SEMA6D: variants seen among roughly 807,000 people sequenced by gnomAD.
SEMA6D encodes semaphorin 6D.
Under a neutral mutation model 106.6 loss-of-function variants are expected in SEMA6D, and 35 were observed. The ratio of observed to expected loss-of-function variants is 0.33; its 90% CI spans 0.25 to 0.44. The LOEUF is 0.44. SEMA6D is among the 20% of genes least tolerant of loss of function. The pLI, the probability that SEMA6D is intolerant of heterozygous loss-of-function variation, is 1.00. For missense variants in SEMA6D, 1,185 were observed against 1,345.9 expected, an observed-to-expected ratio of 0.88 and a Z score of 1.87; for synonymous variants, 499 against 487.7, an observed-to-expected ratio of 1.02 and a Z score of -0.31.
intron 3 of SEMA6D, among the ~76,000 whole-genome samples, chr15:47,544,446 G>A (rs1003741059): frequency 1.3e-5 from 2 of 151,964 alleles, no homozygotes; most frequent in African/African-American, 2.4e-5. Flanking sequence ...GCACTGTGCT[G>A]GAAATTTAGG....
At chr15:47,250,297 C>G (rs1162346813) in intron 1 of SEMA6D, among the ~76,000 whole-genome samples, 1 of 151,252 alleles carries the variant, frequency 6.6e-6, no homozygotes, top group Non-Finnish European at 1.5e-5. Context: ...AGCAACCTAA[C>G]TCTCTGGGAT....
At chr15:47,359,872 A>G (rs1811226480) in intron 1 of SEMA6D, 1 of 152,154 alleles carries the variant, frequency 6.6e-6, no homozygotes, top group Non-Finnish European at 1.5e-5. Flanking sequence ...GAAGGTGGGA[A>G]AAACTTTAAA....
intron 2 of SEMA6D, among the ~76,000 whole-genome samples, chr15:47,413,062 A>G (rs1478412560): frequency 6.6e-6 from 1 of 152,142 alleles, no homozygotes; most frequent in Non-Finnish European, 1.5e-5. Context: ...TGACAGACGG[A>G]TGGCAAATTG....
intron 4 of SEMA6D, among the ~76,000 whole-genome samples, chr15:47,616,580 G>GAAAAA (rs55761524): frequency 7.0e-6 from 1 of 142,510 alleles, no homozygotes; most frequent in Non-Finnish European, 1.5e-5. Context: ...CTCCAAAGAG[G>GAAAAA]AAAAAAAAAA....
At chr15:47,284,085 G>A (rs2035250787) in intron 1 of SEMA6D, among the ~76,000 whole-genome samples, 1 of 152,138 alleles carries the variant, frequency 6.6e-6, no homozygotes, top group Non-Finnish European at 1.5e-5. Flanking sequence ...GCCACCAAAA[G>A]TGTCTCCCTT....
intron 1 of SEMA6D, among the ~76,000 whole-genome samples, chr15:47,245,128 T>C (rs565005368): frequency 6.6e-6 from 1 of 152,208 alleles, no homozygotes; most frequent in Admixed American, 6.5e-5. Context: ...TGATTCCATG[T>C]TTTTGTGAAT....
At chr15:47,685,517 G>A (rs1266564280) in intron 4 of SEMA6D, among the ~76,000 whole-genome samples, 1 of 152,186 alleles carries the variant, frequency 6.6e-6, no homozygotes, top group African/African-American at 2.4e-5. Flanking sequence ...GGGAATTTGT[G>A]CACTGGGTCC....
rs948659989 is a variant in SEMA6D, at chr15:47,574,858, A to C, written c.-86-26007A>C. 7.2e-5 allele frequency among the ~76,000 whole-genome samples: 11 copies of C among 152,306 alleles called. No homozygotes were observed. The South Asian group carries it at 1.0e-3, about 14-fold the overall frequency. ...TTCCCCACATTATTAAGAATAATCAATACTCCTAAAGTAGTTTTTGTTTGG... is the reference window on the plus strand; with the variant it reads ...TTCCCCACATTATTAAGAATAATCACTACTCCTAAAGTAGTTTTTGTTTGG... On this transcript the variant is annotated intron_variant, in intron 3 of 19. Transcript: ENST00000558014.
At chr15:47,766,033 C>A in intron 14 of SEMA6D, 24 bp downstream of exon 14, 1 of 1,608,706 alleles carries the variant, frequency 6.2e-7, no homozygotes, top group Non-Finnish European at 8.5e-7. Flanking sequence ...TCTTTACTTA[C>A]CCTGGGTCTT....
intron 1 of SEMA6D, among the ~76,000 whole-genome samples, chr15:47,406,470 A>G (rs1332917256): frequency 2.6e-5 from 4 of 152,216 alleles, no homozygotes; most frequent in African/African-American, 7.2e-5. Flanking sequence ...GCTTATAAAA[A>G]CATACCAAAG....
chr15:47,498,709 G>A (rs1365705879), intron 3 of SEMA6D, among the ~76,000 whole-genome samples: 1 of 152,100 alleles, frequency 6.6e-6, no homozygotes, highest in South Asian at 2.1e-4. Context: ...GATTTACCTT[G>A]GAGGGGCGCT....
intron 2 of SEMA6D, among the ~76,000 whole-genome samples, chr15:47,418,464 C>T (rs1193668321): frequency 1.3e-5 from 2 of 152,106 alleles, no homozygotes; most frequent in Non-Finnish European, 2.9e-5. Context: ...GGCCCATTTT[C>T]TTGTTCATAG....
chr15:47,408,359 T>C (rs925734592), intron 1 of SEMA6D, among the ~76,000 whole-genome samples: 1 of 152,226 alleles, frequency 6.6e-6, no homozygotes, highest in African/African-American at 2.4e-5. Context: ...AAATATCTTA[T>C]GAAAACATAC....
intron 2 of SEMA6D, among the ~76,000 whole-genome samples, chr15:47,464,211 C>T (rs1217596655): frequency 6.6e-6 from 1 of 152,056 alleles, no homozygotes; most frequent in African/African-American, 2.4e-5. Context: ...AATCCCTCAT[C>T]AGTAAGATAA....
intron 1 of SEMA6D, among the ~76,000 whole-genome samples, chr15:47,390,797 A>G (rs565048362): frequency 6.6e-6 from 1 of 152,082 alleles, no homozygotes; most frequent in African/African-American, 2.4e-5. Context: ...AGTTTGTTAT[A>G]TTTTTTTACT....
At chr15:47,603,331 C>T (rs549726858) in intron 4 of SEMA6D, 1 of 152,246 alleles carries the variant, frequency 6.6e-6, no homozygotes, top group South Asian at 2.1e-4. Flanking sequence ...ATCCCTTTCA[C>T]ACTCCTTGCC....
At chr15:47,318,266 TA>T (rs1374815049) in intron 1 of SEMA6D, among the ~76,000 whole-genome samples, 13 of 151,224 alleles carry the variant, frequency 8.6e-5, no homozygotes, top group Non-Finnish European at 1.6e-4. Flanking sequence ...TTCTTTTTTT[TA>T]AAATTTATTA....
At chr15:47,684,911 A>C (rs1463433422) in intron 4 of SEMA6D, among the ~76,000 whole-genome samples, 1 of 152,228 alleles carries the variant, frequency 6.6e-6, no homozygotes, top group Non-Finnish European at 1.5e-5. Flanking sequence ...CTCAATGCCA[A>C]ATACCAGAGA....
intron 1 of SEMA6D, among the ~76,000 whole-genome samples, chr15:47,212,590 A>G (rs1364241644): frequency 1.3e-5 from 2 of 152,186 alleles, no homozygotes; most frequent in African/African-American, 2.4e-5. Context: ...AAAACTATCA[A>G]TTATCCACTT....
Sources: allele counts gnomAD v4.1 joint callset (sites outside exome capture counted in the v4.1 genomes callset), GRCh38; gene constraint gnomAD v4.1.1; transcripts MANE v1.5; gene names NCBI Gene and HGNC (gene_info 2026-07-23, HGNC 2026-07-21).